The following NTNG2 variants were observed in gnomAD, a reference collection of about 807,000 sequenced individuals.
The protein encoded by NTNG2 is netrin-G2.
NTNG2 carries 15 observed loss-of-function variants against 47.6 expected under a neutral mutation model. The observed-to-expected ratio is 0.32, with a 90% CI of 0.21 to 0.49. NTNG2 has a LOEUF of 0.49. NTNG2 is among the 20% of genes least tolerant of loss of function. The probability of loss-of-function intolerance (pLI) is 0.99; values close to 1 mark genes in which losing one functional copy is unlikely to be tolerated. For missense variants in NTNG2, 578 were observed against 764.6 expected, an observed-to-expected ratio of 0.76 and a Z score of 2.88; for synonymous variants, 307 against 324.6, an observed-to-expected ratio of 0.95 and a Z score of 0.58.
rs1564372658 is a variant in NTNG2, at chr9:132,162,567, AGAGTGT to A, written c.-484+330_-484+335del. 3.5e-4 allele frequency among the ~76,000 whole-genome samples: 36 copies of A among 101,774 alleles called. 1 individual carries two copies. The highest frequency in any genetic ancestry group is 1.2e-3 in the African/African-American group (34 of 27,506). The allele number at this position is 101,774 out of a possible 152,430, so 66.8% of individuals were successfully genotyped here. A position where few individuals can be genotyped will look rare whatever the true frequency, so the allele number is the denominator to read the frequency against. On this transcript the variant is annotated intron_variant, in intron 1 of 7. Transcript: ENST00000393229. The surrounding 1 kb of genome is among the most constrained non-coding windows in gnomAD (Gnocchi z 4.6). ...GTGTGTGTGTGTGTGAGAGAGAGAC[AGAGTGT>A]GTGTGTGTGTGTGTGTGTGTGTGTG...
In NTNG2 at chr9:132,236,865, A is replaced by T. The variant is rs1236647249; in HGVS notation, c.1055-2239A>T. ...TGTTCCTGGCTTGACAGCACTTGCGAGTGGGACTCCAGGGACAGCGAAGGA... is the reference window on the plus strand; with the variant it reads ...TGTTCCTGGCTTGACAGCACTTGCGTGTGGGACTCCAGGGACAGCGAAGGA... On this transcript the variant is annotated intron_variant, in intron 5 of 7. Coordinates refer to ENST00000393229, the MANE Select transcript of NTNG2 (RefSeq NM_032536.4). This position sits in a 1 kb window ranked among gnomAD's most constrained non-coding sequence, Gnocchi z 4.3. 6.6e-6 allele frequency among the ~76,000 whole-genome samples: 1 copy of T among 152,202 alleles called. No individual in the cohort carries two copies. Among genetic ancestry groups the T allele is most frequent in the Non-Finnish European group, 1.5e-5 (1 of 68,038 alleles).
intron 3 of NTNG2, among the ~76,000 whole-genome samples, chr9:132,210,637 G>A (rs143435643): frequency 2.7e-3 from 406 of 152,302 alleles, no homozygotes; most frequent in African/African-American, 9.3e-3. Flanking sequence ...CTGTCCCCCC[G>A]ACCCCAGCTC....
At chr9:132,196,043 T>C (rs1838288199) in intron 2 of NTNG2, among the ~76,000 whole-genome samples, 1 of 152,098 alleles carries the variant, frequency 6.6e-6, no homozygotes, top group Non-Finnish European at 1.5e-5. Flanking sequence ...AGTGTTGGAA[T>C]TCCAGGTGTG....
intron 3 of NTNG2, among the ~76,000 whole-genome samples, chr9:132,201,706 G>A (rs1838764848): frequency 6.6e-6 from 1 of 152,214 alleles, no homozygotes; most frequent in Non-Finnish European, 1.5e-5. Context: ...CGTTTATCGA[G>A]CATTTGCTAC....
intron 2 of NTNG2, among the ~76,000 whole-genome samples, chr9:132,190,157 C>T (rs999476188): frequency 5.1e-5 from 7 of 136,736 alleles, no homozygotes; most frequent in East Asian, 2.2e-4. Flanking sequence ...GGTGTGAACC[C>T]GGGAGGCAGA....
intron 3 of NTNG2, among the ~76,000 whole-genome samples, chr9:132,199,239 G>A (rs894324562): frequency 6.6e-6 from 1 of 152,164 alleles, no homozygotes; most frequent in African/African-American, 2.4e-5. Flanking sequence ...CTCTGAGGCT[G>A]TCCACTGACT....
chr9:132,178,186 C>T (rs1179538120), intron 2 of NTNG2, among the ~76,000 whole-genome samples: 1 of 152,054 alleles, frequency 6.6e-6, no homozygotes, highest in African/African-American at 2.4e-5. Context: ...TGGTTACCCT[C>T]CCCTTCCCCT....
chr9:132,222,318 G>A (rs1021313609), intron 3 of NTNG2, among the ~76,000 whole-genome samples: 32 of 152,310 alleles, frequency 2.1e-4, no homozygotes, highest in African/African-American at 4.6e-4. Flanking sequence ...AGGGCCGCCC[G>A]TACCAATAGG....
In NTNG2 at chr9:132,206,592, A is replaced by G. The variant is rs190548414; in HGVS notation, c.857+7983A>G. Among the ~76,000 whole-genome samples, 971 of 152,316 alleles carry G rather than the reference A, an allele frequency of 6.4e-3. 17 individuals carry two copies. In the East Asian group the frequency reaches 0.069, roughly 11 times the overall value. On this transcript the variant is annotated intron_variant, in intron 3 of 7. Coordinates refer to ENST00000393229, the MANE Select transcript of NTNG2 (RefSeq NM_032536.4). Reference sequence around the variant, plus strand: ...TGAGGCAGGAGAATCACTTGAACCCAGAAGGCGGAGGTTGCAGTGAGCCGA... The same window carrying G: ...TGAGGCAGGAGAATCACTTGAACCCGGAAGGCGGAGGTTGCAGTGAGCCGA...
Position 132,236,274 on chromosome 9 carries a change from A to G in NTNG2, c.1055-2830A>G, listed in dbSNP as rs780741930. On this transcript the variant is annotated intron_variant, in intron 5 of 7. Coordinates refer to ENST00000393229, the MANE Select transcript of NTNG2 (RefSeq NM_032536.4). The surrounding 1 kb of genome is among the most constrained non-coding windows in gnomAD (Gnocchi z 4.3). ...GATGGCAGGGAGCCTGACAAAGTGG[A>G]AAATGTGTGGGTTAAAGGAGGGAGG... Among the ~76,000 whole-genome samples the G allele has an allele frequency of 4.6e-4, 70 of 152,300 alleles. No individual in the cohort carries two copies. The highest frequency in any genetic ancestry group is 7.2e-4 in the Admixed American group (11 of 15,294).
At chr9:132,172,566 C>T (rs577487674) in intron 2 of NTNG2, among the ~76,000 whole-genome samples, 271 of 152,254 alleles carry the variant, frequency 1.8e-3, no homozygotes, top group Non-Finnish European at 3.1e-3. Flanking sequence ...ACTGTGAGCT[C>T]CTCAAAGGCA....
rs570728373 is a variant in NTNG2, at chr9:132,198,875, G to A, written c.857+266G>A. On this transcript the variant is annotated intron_variant, in intron 3 of 7. Transcript: ENST00000393229. ...TCCCCTGGTTCTTGGGATGTTACCT[G>A]GTACCTGGGACATGACCTGGTTCTT... is the stretch of plus-strand genomic sequence containing the variant. Among the ~76,000 whole-genome samples the A allele has an allele frequency of 3.9e-5, 6 of 152,154 alleles. No homozygotes were observed. The East Asian group carries it at 1.2e-3, about 29-fold the overall frequency.
rs1454308548 is a variant in NTNG2, at chr9:132,208,983, T to A, written c.857+10374T>A. ...GTCTCCTTCGTTCTCACTGTGCCTCTGAGGCTTATGGCGTGGCCGCCTGCG... is the reference window on the plus strand; with the variant it reads ...GTCTCCTTCGTTCTCACTGTGCCTCAGAGGCTTATGGCGTGGCCGCCTGCG... On this transcript the variant is annotated intron_variant, in intron 3 of 7. Coordinates refer to ENST00000393229, the MANE Select transcript of NTNG2 (RefSeq NM_032536.4). The surrounding 1 kb of genome is among the most constrained non-coding windows in gnomAD (Gnocchi z 4.0). 6.6e-6 allele frequency among the ~76,000 whole-genome samples: 1 copy of A among 152,174 alleles called. No individual in the cohort carries two copies. Among genetic ancestry groups the A allele is most frequent in the East Asian group, 1.9e-4 (1 of 5,168 alleles).
chr9:132,241,092 G>A, intron 7 of NTNG2, 48 bp downstream of exon 7: 1 of 1,527,660 alleles, frequency 6.5e-7, no homozygotes, highest in South Asian at 1.2e-5. Flanking sequence ...AAAGGGGACG[G>A]GGCAGGACCG....
At chr9:132,200,885 G>A (rs1350450574) in intron 3 of NTNG2, among the ~76,000 whole-genome samples, 1 of 152,154 alleles carries the variant, frequency 6.6e-6, no homozygotes, top group African/African-American at 2.4e-5. Flanking sequence ...TCAGCCCCTG[G>A]GCATCTCCGT....
intron 3 of NTNG2, among the ~76,000 whole-genome samples, chr9:132,200,063 C>T (rs1564411200): frequency 6.6e-6 from 1 of 152,164 alleles, no homozygotes; most frequent in African/African-American, 2.4e-5. Flanking sequence ...TGGTAACAAG[C>T]ATAAGTCTCT....
chr9:132,225,289 GAGACAGAGTCTTGC>G (rs1256528009), intron 3 of NTNG2, among the ~76,000 whole-genome samples: 4 of 150,184 alleles, frequency 2.7e-5, no homozygotes, highest in African/African-American at 7.4e-5. Context: ...GTTTTTTTTG[GAGACAGAGTCTTGC>G]TCTGTCTCCC....
Position 132,242,186 on chromosome 9 carries a change from G to A in NTNG2, c.*75G>A. 2.8e-6 allele frequency: 2 copies of A among 714,482 alleles called. No individual in the cohort carries two copies. The highest frequency in any genetic ancestry group is 3.5e-6 in the Non-Finnish European group (2 of 567,386). 44.3% of individuals were successfully genotyped at this position (714,482 alleles called of 1,614,324 possible). On this transcript the variant is annotated 3_prime_UTR_variant, in exon 8 of 8. Transcript: ENST00000393229. The surrounding 1 kb of genome is among the most constrained non-coding windows in gnomAD (Gnocchi z 5.9). ...TCCCGGGGCGGGGCCGGCGTCCGAG[G>A]CCGGGCGGTGAGAAGGGTGCGGCCC...
rs764329558 is a variant in NTNG2, at chr9:132,221,259, A to G, written c.858-5590A>G. Among the ~76,000 whole-genome samples, 1 of 152,210 alleles carries G rather than the reference A, an allele frequency of 6.6e-6. No individual in the cohort carries two copies. The highest frequency in any genetic ancestry group is 1.5e-5 in the Non-Finnish European group (1 of 68,030). ...GTACATTCCAGGCAGAGGGAACAGCATGTGCAAAGGCCCAGAGAAAAGCAA... is the reference window on the plus strand; with the variant it reads ...GTACATTCCAGGCAGAGGGAACAGCGTGTGCAAAGGCCCAGAGAAAAGCAA... On this transcript the variant is annotated intron_variant, in intron 3 of 7. Transcript: ENST00000393229. This position sits in a 1 kb window ranked among gnomAD's most constrained non-coding sequence, Gnocchi z 4.2.
Sources: allele counts gnomAD v4.1 joint callset (sites outside exome capture counted in the v4.1 genomes callset), GRCh38; gene constraint gnomAD v4.1.1; non-coding constraint Gnocchi (gnomAD v3.1); transcripts MANE v1.5; gene names NCBI Gene and HGNC (gene_info 2026-07-23, HGNC 2026-07-21).